The following BTBD9 variants were observed in gnomAD, a reference collection of about 807,000 sequenced individuals.
BTBD9 encodes the protein BTB domain containing 9, also known as BTB/POZ domain-containing protein 9.
BTBD9 carries 49 observed loss-of-function variants against 64.3 expected under a neutral mutation model. The observed-to-expected ratio is 0.76, with a 90% CI of 0.61 to 0.97. BTBD9 has a LOEUF of 0.97. Ranked by LOEUF, BTBD9 falls within the 50% of genes least tolerant of loss-of-function variation. BTBD9 has a pLI of 0.00. For synonymous variants in BTBD9, 260 were observed against 274.7 expected, an observed-to-expected ratio of 0.95 and a Z score of 0.53; for missense variants, 598 against 762.1, an observed-to-expected ratio of 0.78 and a Z score of 2.53.
chr6:38,569,870 A>T (rs1201331206), intron 6 of BTBD9, among the ~76,000 whole-genome samples: 1 of 130,712 alleles, frequency 7.7e-6, no homozygotes, highest in Non-Finnish European at 1.7e-5. Flanking sequence ...TTTCCCAACT[A>T]AAAAAAAAAA....
At chr6:38,447,704 C>T (rs937407900) in intron 6 of BTBD9, among the ~76,000 whole-genome samples, 7 of 152,180 alleles carry the variant, frequency 4.6e-5, no homozygotes, top group African/African-American at 2.4e-5. Context: ...CTGCCTGCCT[C>T]GGGAAGAAGA....
chr6:38,603,494 T>G (rs1436437667), intron 1 of BTBD9, among the ~76,000 whole-genome samples: 1 of 152,224 alleles, frequency 6.6e-6, no homozygotes, highest in Non-Finnish European at 1.5e-5. Flanking sequence ...GCTGGAACGT[T>G]ATAATTGCCC....
At chr6:38,222,300 A>C (rs535819720) in intron 9 of BTBD9, among the ~76,000 whole-genome samples, 56 of 112,378 alleles carry the variant, frequency 5.0e-4, no homozygotes, top group African/African-American at 1.8e-3. Flanking sequence ...TTGCTCTGTC[A>C]CCCAGGCTGG....
intron 8 of BTBD9, among the ~76,000 whole-genome samples, chr6:38,267,934 C>T (rs1210822614): frequency 3.3e-5 from 5 of 151,884 alleles, no homozygotes; most frequent in Non-Finnish European, 5.9e-5. Flanking sequence ...AGCGAGACTC[C>T]GTCTCAAAAA....
At chr6:38,586,071 G>C (rs889859666) in intron 4 of BTBD9, among the ~76,000 whole-genome samples, 3 of 152,008 alleles carry the variant, frequency 2.0e-5, no homozygotes, top group Non-Finnish European at 4.4e-5. Flanking sequence ...GATAGAATTT[G>C]TGATATGCTC....
intron 8 of BTBD9, among the ~76,000 whole-genome samples, chr6:38,285,648 T>C (rs1211008943): frequency 2.0e-5 from 3 of 152,228 alleles, no homozygotes; most frequent in Non-Finnish European, 2.9e-5. Context: ...GTCTTCAAAT[T>C]AGAAATGTCA....
chr6:38,360,374 T>G (rs1456031168), intron 6 of BTBD9, among the ~76,000 whole-genome samples: 1 of 152,218 alleles, frequency 6.6e-6, no homozygotes, highest in Admixed American at 6.5e-5. Context: ...GCATTTTTAT[T>G]GCACAACTAC....
chr6:38,490,845 A>G (rs1771673372), intron 6 of BTBD9, among the ~76,000 whole-genome samples: 1 of 152,222 alleles, frequency 6.6e-6, no homozygotes. Context: ...ATGATCTGGA[A>G]AGTCAAAGGC....
chr6:38,235,151 G>A (rs1320159281), intron 9 of BTBD9, among the ~76,000 whole-genome samples: 2 of 152,140 alleles, frequency 1.3e-5, no homozygotes, highest in East Asian at 1.9e-4. Context: ...ACCAATCACC[G>A]TGGGCTCTTT....
intron 6 of BTBD9, among the ~76,000 whole-genome samples, chr6:38,478,408 G>C (rs1770990004): frequency 6.6e-6 from 1 of 152,134 alleles, no homozygotes; most frequent in South Asian, 2.1e-4. Flanking sequence ...TTGAAAAATA[G>C]TTTATTAGTA....
At chr6:38,437,194 C>A (rs1294888361) in intron 6 of BTBD9, among the ~76,000 whole-genome samples, 3 of 152,172 alleles carry the variant, frequency 2.0e-5, no homozygotes, top group Non-Finnish European at 2.9e-5. Flanking sequence ...CAACGTGACA[C>A]AAAGACAGGT....
intron 6 of BTBD9, among the ~76,000 whole-genome samples, chr6:38,354,030 T>C (rs560089788): frequency 3.6e-4 from 55 of 152,144 alleles, no homozygotes; most frequent in African/African-American, 1.2e-3. Context: ...GAGAGTTAAA[T>C]AGAGGAGGAA....
At chr6:38,192,359 T>C (rs1253284542) in intron 10 of BTBD9, among the ~76,000 whole-genome samples, 160 bp downstream of exon 10, 1 of 152,184 alleles carries the variant, frequency 6.6e-6, no homozygotes, top group Non-Finnish European at 1.5e-5. Context: ...AAAATGATAA[T>C]GATAACCCCA....
chr6:38,398,970 T>G (rs543697193), intron 6 of BTBD9, among the ~76,000 whole-genome samples: 1 of 152,318 alleles, frequency 6.6e-6, no homozygotes, highest in Non-Finnish European at 1.5e-5. Context: ...GAGAAACATT[T>G]GTTTTTAGTA....
At chr6:38,208,512 A>G (rs1478759134) in intron 9 of BTBD9, among the ~76,000 whole-genome samples, 1 of 152,124 alleles carries the variant, frequency 6.6e-6, no homozygotes, top group East Asian at 1.9e-4. Flanking sequence ...CTGGGCCTGC[A>G]TGTCTGTCCC....
intron 6 of BTBD9, among the ~76,000 whole-genome samples, chr6:38,368,693 C>G (rs1449557485): frequency 6.6e-6 from 1 of 152,064 alleles, no homozygotes. Context: ...GAACCCCCTT[C>G]TTGCCCCCTG....
chr6:38,364,301 A>T (rs1464084835), intron 6 of BTBD9, among the ~76,000 whole-genome samples: 4 of 152,224 alleles, frequency 2.6e-5, no homozygotes, highest in Non-Finnish European at 5.9e-5. Context: ...TCATGCTGAC[A>T]GGGAATAGTT....
intron 8 of BTBD9, among the ~76,000 whole-genome samples, chr6:38,282,929 C>A (rs1028041735): frequency 3.9e-5 from 6 of 152,206 alleles, no homozygotes; most frequent in Non-Finnish European, 8.8e-5. Flanking sequence ...TCCCCTCAAC[C>A]CCACTAGAAT....
chr6:38,599,228 T>TG (rs770508709), intron 1 of BTBD9, among the ~76,000 whole-genome samples: 7 of 152,014 alleles, frequency 4.6e-5, no homozygotes, highest in Non-Finnish European at 8.8e-5. Flanking sequence ...TGTAAGAAAG[T>TG]GGGGGGTTAT....
Sources: allele counts gnomAD v4.1 joint callset (sites outside exome capture counted in the v4.1 genomes callset), GRCh38; gene constraint gnomAD v4.1.1; transcripts MANE v1.5; gene names NCBI Gene and HGNC (gene_info 2026-07-23, HGNC 2026-07-21).